Variants in HNF4A observed in about 807,000 individuals in gnomAD.
HNF4A encodes the protein hepatocyte nuclear factor 4-alpha.
Under a neutral mutation model 52.4 loss-of-function variants are expected in HNF4A, and 15 were observed. The ratio of observed to expected loss-of-function variants is 0.29; its 90% confidence interval spans 0.19 to 0.44. The LOEUF (loss-of-function observed/expected upper bound fraction) is 0.44, where lower values mean the gene tolerates loss of function less well. HNF4A is among the 20% of genes least tolerant of loss of function. The probability of loss-of-function intolerance (pLI) is 1.00; values close to 1 mark genes in which losing one functional copy is unlikely to be tolerated. For synonymous variants in HNF4A, 280 were observed against 264.4 expected, an observed-to-expected ratio of 1.06 and a Z score of -0.57; for missense variants, 479 against 647.2, an observed-to-expected ratio of 0.74 and a Z score of 2.82.
Position 44,401,361 on chromosome 20 carries a change from G to A in HNF4A, c.-12G>A. 1.9e-6 allele frequency: 3 copies of A among 1,614,052 alleles called. No homozygotes were observed. Among genetic ancestry groups the A allele is most frequent in the Non-Finnish European group, 1.7e-6 (2 of 1,180,000 alleles). On this transcript the variant is annotated 5_prime_UTR_variant, in exon 1 of 10. Coordinates refer to ENST00000316099, the MANE Select transcript of HNF4A (RefSeq NM_000457.6). ...GGGTAGGGCAGGTGGCCGCGGCGTG[G>A]AGGCAGGGAGAATGCGACTCTCCAA...
intron 3 of HNF4A, among the ~76,000 whole-genome samples, chr20:44,412,458 C>T (rs771300299): frequency 6.6e-6 from 1 of 152,032 alleles, no homozygotes; most frequent in East Asian, 1.9e-4. Flanking sequence ...TACAAGCGTG[C>T]GGATGCGTCC....
intron 1 of HNF4A, among the ~76,000 whole-genome samples, chr20:44,367,577 G>A (rs1298678763): frequency 6.7e-6 from 1 of 149,442 alleles, no homozygotes; most frequent in East Asian, 2.0e-4. Flanking sequence ...GGAGGCGGAG[G>A]TTGCAGTGAG....
chr20:44,433,059 G>C (rs1484041328), downstream of HNF4A: 1 of 152,318 alleles, frequency 6.6e-6, no homozygotes, highest in East Asian at 1.9e-4. Flanking sequence ...TTCCAGATGA[G>C]GAGACTGAGG....
chr20:44,428,011 C>T (rs1336478518), intron 8 of HNF4A, among the ~76,000 whole-genome samples: 6 of 152,148 alleles, frequency 3.9e-5, no homozygotes, highest in Non-Finnish European at 8.8e-5. Context: ...GCTTTGAGAG[C>T]CATTGATTAC....
chr20:44,358,662 C>T (rs529971868), intron 1 of HNF4A, among the ~76,000 whole-genome samples: 1 of 152,144 alleles, frequency 6.6e-6, no homozygotes, highest in East Asian at 1.9e-4. Context: ...AAATCTTCTT[C>T]TGGGGTTCTC....
chr20:44,416,530 A>G (rs1420020625), intron 5 of HNF4A, among the ~76,000 whole-genome samples: 2 of 152,238 alleles, frequency 1.3e-5, no homozygotes, highest in African/African-American at 2.4e-5. Context: ...GCGCTTGGCA[A>G]TCAGCATCCT....
At chr20:44,395,376 A>C (rs1487475219) in intron 1 of HNF4A, 1 of 152,374 alleles carries the variant, frequency 6.6e-6, no homozygotes, top group African/African-American at 2.4e-5. Flanking sequence ...ATTAAGCCAC[A>C]GTGGCCTTTG....
At chr20:44,408,785 C>G (rs1382228414) in intron 3 of HNF4A, among the ~76,000 whole-genome samples, 3 of 152,146 alleles carry the variant, frequency 2.0e-5, no homozygotes, top group Non-Finnish European at 4.4e-5. Flanking sequence ...CTCCTCTAAA[C>G]TCAACCTTTC....
At chr20:44,421,814 T>TA (rs2063749884) in intron 7 of HNF4A, among the ~76,000 whole-genome samples, 1 of 146,346 alleles carries the variant, frequency 6.8e-6, no homozygotes, top group Non-Finnish European at 1.5e-5. Flanking sequence ...TAATATATAG[T>TA]GATATATATA....
chr20:44,370,502 A>G (rs1197620583), intron 1 of HNF4A, among the ~76,000 whole-genome samples: 1 of 152,174 alleles, frequency 6.6e-6, no homozygotes, highest in Admixed American at 6.5e-5. Context: ...CCTCCCTTGA[A>G]CACCCAAATC....
At position 44,418,519 on chromosome 20, in the gene HNF4A, C is replaced by T. The variant is rs376544046; in HGVS notation, c.736+7C>T. On this transcript the variant is annotated splice_region_variant and intron_variant, in intron 6 of 9. Coordinates refer to ENST00000316099, the MANE Select transcript of HNF4A (RefSeq NM_000457.6). ...AAGGACGTGCTGCTCCTAGGTGAGG[C>T]GGCTGCCTGCCCTGGCCAGGGCTCC... 2.4e-5 allele frequency: 38 copies of T among 1,607,760 alleles called. No individual in the cohort carries two copies. Among genetic ancestry groups the T allele is most frequent in the African/African-American group, 1.9e-4 (14 of 74,840 alleles).
chr20:44,406,431 A>G (rs1268155485), intron 2 of HNF4A, among the ~76,000 whole-genome samples, 199 bp downstream of exon 2: 1 of 152,218 alleles, frequency 6.6e-6, no homozygotes. Context: ...TCATCAAGCT[A>G]CTGGCTGCCG....
rs553377991 is a variant in HNF4A at position 44,431,113 on chromosome 20, C to T, written c.*1448C>T. On this transcript the variant is annotated 3_prime_UTR_variant, in exon 10 of 10. Transcript: ENST00000316099. The stretch of plus-strand genomic sequence containing the variant: ...GAAGTGATTTTTTTTCTGAAACTCA[C>T]ACAACTAGGAAGTGGCTGAGTCAGG... 2.0e-5 allele frequency: 3 copies of T among 148,024 alleles called. No homozygotes were observed. The East Asian group carries it at 6.5e-4, about 32-fold the overall frequency. The allele number at this position is 148,024 out of a possible 1,614,324, so 9.2% of individuals were successfully genotyped here.
At chr20:44,385,441 T>G in intron 1 of HNF4A, among the ~76,000 whole-genome samples, 1 of 151,976 alleles carries the variant, frequency 6.6e-6, no homozygotes, top group East Asian at 1.9e-4. Flanking sequence ...GCAAGACACC[T>G]CCCCCCGTCT....
At chr20:44,397,338 G>C (rs77346731), upstream of HNF4A, among the ~76,000 whole-genome samples, 1 of 152,092 alleles carries the variant, frequency 6.6e-6, no homozygotes, top group Non-Finnish European at 1.5e-5. Context: ...TGGAGGAAGG[G>C]AATGAAACTT....
intron 1 of HNF4A, among the ~76,000 whole-genome samples, chr20:44,365,533 T>C (rs2062962128): frequency 6.6e-6 from 1 of 152,074 alleles, no homozygotes; most frequent in Admixed American, 6.6e-5. Flanking sequence ...GAGATAGCAA[T>C]AAAGCAAATG....
chr20:44,376,259 T>TC (rs1352357903), intron 1 of HNF4A, among the ~76,000 whole-genome samples: 1 of 152,106 alleles, frequency 6.6e-6, no homozygotes, highest in African/African-American at 2.4e-5. Flanking sequence ...ACTGAGACTC[T>TC]GTCTCAAAGA....
intron 1 of HNF4A, among the ~76,000 whole-genome samples, chr20:44,374,001 T>G (rs1401027031): frequency 6.6e-6 from 1 of 152,094 alleles, no homozygotes; most frequent in Non-Finnish European, 1.5e-5. Context: ...TAATTAAACT[T>G]TTATTTTAGA....
chr20:44,401,896 G>A (rs2063415332), intron 1 of HNF4A, among the ~76,000 whole-genome samples: 1 of 152,068 alleles, frequency 6.6e-6, no homozygotes, highest in South Asian at 2.1e-4. Context: ...GGCAAGGGAT[G>A]TTGTATCCCT....
Sources: allele counts gnomAD v4.1 joint callset (sites outside exome capture counted in the v4.1 genomes callset), GRCh38; gene constraint gnomAD v4.1.1; transcripts MANE v1.5; gene names NCBI Gene and HGNC (gene_info 2026-07-23, HGNC 2026-07-21).